The following NDUFAF2 variants were observed in gnomAD, a reference collection of about 807,000 sequenced individuals.
The protein encoded by NDUFAF2 is NADH:ubiquinone oxidoreductase complex assembly factor 2, also known as NADH dehydrogenase [ubiquinone] 1 alpha subcomplex assembly factor 2.
NDUFAF2 carries 13 observed loss-of-function variants against 22.8 expected under a neutral mutation model. The observed-to-expected ratio is 0.57, with a 90% CI of 0.37 to 0.91. NDUFAF2 has a LOEUF of 0.91. Ranked by LOEUF, NDUFAF2 falls within the 40% of genes least tolerant of loss-of-function variation. The pLI is 0.01. For missense variants in NDUFAF2, 162 were observed against 195.2 expected, an observed-to-expected ratio of 0.83 and a Z score of 1.01; for synonymous variants, 53 against 64.2, an observed-to-expected ratio of 0.83 and a Z score of 0.84.
chr5:61,109,302 G>A (rs1298344427), intron 3 of NDUFAF2, among the ~76,000 whole-genome samples: 1 of 152,088 alleles, frequency 6.6e-6, no homozygotes, highest in Non-Finnish European at 1.5e-5. Flanking sequence ...TTGATTTTGT[G>A]TACTGCAACC....
intron 1 of NDUFAF2, among the ~76,000 whole-genome samples, chr5:61,011,335 A>G (rs1209370395): frequency 6.6e-6 from 1 of 152,090 alleles, no homozygotes; most frequent in African/African-American, 2.4e-5. Flanking sequence ...AGACTCAACC[A>G]ATGAGAAGTG....
chr5:60,987,563 C>T (rs1446171353), intron 1 of NDUFAF2, among the ~76,000 whole-genome samples: 2 of 152,166 alleles, frequency 1.3e-5, no homozygotes, highest in Non-Finnish European at 2.9e-5. Flanking sequence ...AATCCAGCAG[C>T]ATATCAAAAT....
intron 1 of NDUFAF2, among the ~76,000 whole-genome samples, chr5:61,009,811 T>C (rs1209840351): frequency 2.0e-5 from 3 of 152,074 alleles, no homozygotes; most frequent in Non-Finnish European, 4.4e-5. Context: ...CAATCAGATA[T>C]TTAATGGGGC....
At chr5:61,023,423 A>G (rs978851909) in intron 1 of NDUFAF2, among the ~76,000 whole-genome samples, 2 of 152,110 alleles carry the variant, frequency 1.3e-5, no homozygotes, top group African/African-American at 4.8e-5. Context: ...CCTATTTATT[A>G]CATCAGCTAA....
At chr5:61,062,545 A>G (rs960529912) in intron 1 of NDUFAF2, among the ~76,000 whole-genome samples, 2 of 152,266 alleles carry the variant, frequency 1.3e-5, no homozygotes, top group Admixed American at 1.3e-4. Context: ...AAGACTGCCT[A>G]TAAGACTTAT....
At chr5:60,985,733 C>T (rs533839580) in intron 1 of NDUFAF2, among the ~76,000 whole-genome samples, 4 of 151,954 alleles carry the variant, frequency 2.6e-5, no homozygotes, top group African/African-American at 4.8e-5. Flanking sequence ...CCTGGAAACT[C>T]CCATTTTTAA....
At chr5:61,014,210 A>G (rs1175225610) in intron 1 of NDUFAF2, among the ~76,000 whole-genome samples, 3 of 152,236 alleles carry the variant, frequency 2.0e-5, no homozygotes, top group Non-Finnish European at 2.9e-5. Context: ...CACCAAGGCC[A>G]GTGATTTAAG....
At chr5:61,020,656 A>G (rs914300904) in intron 1 of NDUFAF2, among the ~76,000 whole-genome samples, 3 of 151,808 alleles carry the variant, frequency 2.0e-5, no homozygotes, top group African/African-American at 4.8e-5. Flanking sequence ...GGCTTAAGCA[A>G]TCCTCCTACT....
intron 3 of NDUFAF2, among the ~76,000 whole-genome samples, chr5:61,101,299 C>G (rs1752702692): frequency 6.6e-6 from 1 of 152,134 alleles, no homozygotes; most frequent in East Asian, 1.9e-4. Context: ...CCTTCTCTCT[C>G]TTGACAAAAG....
chr5:61,064,746 CATT>C (rs1752207986), intron 1 of NDUFAF2, among the ~76,000 whole-genome samples: 1 of 151,702 alleles, frequency 6.6e-6, no homozygotes, highest in Admixed American at 6.6e-5. Context: ...CTAAGAGGGA[CATT>C]ATAGCAATTA....
intron 2 of NDUFAF2, among the ~76,000 whole-genome samples, chr5:61,087,103 A>G (rs987874941): frequency 6.6e-6 from 1 of 152,138 alleles, no homozygotes; most frequent in Non-Finnish European, 1.5e-5. Flanking sequence ...TTAGAGTTAG[A>G]TGAGGTCATG....
chr5:61,078,236 A>G (rs911976843), intron 2 of NDUFAF2, among the ~76,000 whole-genome samples: 1 of 149,576 alleles, frequency 6.7e-6, no homozygotes, highest in African/African-American at 2.5e-5. Context: ...TCCTTACCTT[A>G]TTCATTTTTG....
chr5:61,034,530 C>G (rs1012494429), intron 1 of NDUFAF2, among the ~76,000 whole-genome samples: 10 of 152,064 alleles, frequency 6.6e-5, no homozygotes, highest in African/African-American at 1.9e-4. Flanking sequence ...CCGTCATTGA[C>G]CAAAATGTTG....
At chr5:61,055,555 A>G (rs1214604774) in intron 1 of NDUFAF2, among the ~76,000 whole-genome samples, 1 of 152,238 alleles carries the variant, frequency 6.6e-6, no homozygotes, top group East Asian at 1.9e-4. Context: ...TCTAAAGGTA[A>G]GAAAGCAGAT....
At chr5:61,110,715 C>G (rs1321091492) in intron 3 of NDUFAF2, among the ~76,000 whole-genome samples, 1 of 151,676 alleles carries the variant, frequency 6.6e-6, no homozygotes, top group Non-Finnish European at 1.5e-5. Context: ...TGTCTTTTTT[C>G]TTAATCTGGC....
chr5:61,092,419 G>T (rs147533604), intron 2 of NDUFAF2, among the ~76,000 whole-genome samples: 1 of 151,886 alleles, frequency 6.6e-6, no homozygotes, highest in Non-Finnish European at 1.5e-5. Flanking sequence ...TCTCCTTATC[G>T]AGATCTTTCA....
At chr5:60,967,666 C>A (rs1053371279) in intron 1 of NDUFAF2, among the ~76,000 whole-genome samples, 5 of 151,680 alleles carry the variant, frequency 3.3e-5, no homozygotes, top group Admixed American at 1.3e-4. Context: ...CATTGGCAAA[C>A]CATTCTTGCT....
In NDUFAF2 at chr5:61,078,337, T is replaced by G. The variant is rs139015047; in HGVS notation, c.217+5123T>G. Among the ~76,000 whole-genome samples the G allele has an allele frequency of 2.0e-5, 3 of 152,306 alleles. No homozygotes were observed. The East Asian group carries it at 5.8e-4, about 29-fold the overall frequency. ...CATTTCAAACTGAAAGTATGTTATG[T>G]AAGTATGTTTAAGGAAAAGGCATTT... On this transcript the variant is annotated intron_variant, in intron 2 of 3. Coordinates refer to ENST00000296597, the MANE Select transcript of NDUFAF2 (RefSeq NM_174889.5).
intron 3 of NDUFAF2, among the ~76,000 whole-genome samples, chr5:61,145,149 G>C (rs1741120181): frequency 6.6e-6 from 1 of 152,052 alleles, no homozygotes; most frequent in Non-Finnish European, 1.5e-5. Flanking sequence ...ACTACACATA[G>C]CAAGTTGCAG....
Sources: gnomAD v4.1 joint callset for allele counts (sites outside exome capture counted in the v4.1 genomes callset) on GRCh38, gnomAD v4.1.1 for gene constraint, MANE v1.5 for transcripts, NCBI Gene and HGNC (gene_info 2026-07-23, HGNC 2026-07-21) for gene names.